SLC25A10: variants seen among roughly 807,000 people sequenced by gnomAD.
The protein encoded by SLC25A10 is mitochondrial dicarboxylate carrier.
Under a neutral mutation model 40.4 loss-of-function variants are expected in SLC25A10, and 32 were observed. That is an observed-to-expected ratio of 0.79 (90% CI 0.60 to 1.06). The LOEUF is 1.06. Among genes scored for constraint, SLC25A10 ranks in the 50% least tolerant of loss-of-function variants. The pLI is 0.00. For missense variants in SLC25A10, 394 were observed against 402.6 expected (o/e 0.98, Z 0.18); for synonymous variants, 181 against 171.1 (o/e 1.06, Z -0.45).
At chr17:81,717,730 G>C (rs761712683) in intron 8 of SLC25A10, 54 bp from the exon 9 acceptor site, 1 of 1,578,592 alleles carries the variant, frequency 6.3e-7, no homozygotes, top group Non-Finnish European at 8.6e-7. Flanking sequence ...GGTGGGATTC[G>C]GCGATGGTGC....
Position 81,712,530 on chromosome 17 carries a change from G to T in SLC25A10, c.93+11G>T. 1 of 1,238,822 alleles carries T rather than the reference G, an allele frequency of 8.1e-7. No homozygotes were observed. Among genetic ancestry groups the T allele is most frequent in the East Asian group, 3.2e-5 (1 of 31,110 alleles). The allele number at this position is 1,238,822 out of a possible 1,614,324, so 76.7% of individuals were successfully genotyped here. On this transcript the variant is annotated intron_variant, in intron 1 of 10. Transcript: ENST00000350690. Reference sequence around the variant, plus strand: ...CTGGACCTGCTCAAGGTGAGGCCGGGGCCCGGGACGCGGGGCGGATGGGAC... The same window carrying T: ...CTGGACCTGCTCAAGGTGAGGCCGGTGCCCGGGACGCGGGGCGGATGGGAC...
intron 9 of SLC25A10, 73 bp downstream of exon 9, chr17:81,717,934 A>G: frequency 8.5e-7 from 1 of 1,177,310 alleles, no homozygotes; most frequent in Non-Finnish European, 1.2e-6. Context: ...GGGGGTGGAC[A>G]CTCGCACTGG....
intron 10 of SLC25A10, 30 bp from the exon 11 acceptor site, chr17:81,719,946 G>A: frequency 6.2e-7 from 1 of 1,613,660 alleles, no homozygotes; most frequent in Non-Finnish European, 8.5e-7. Flanking sequence ...TTCGGGCTCT[G>A]TGTCTCTCAT....
chr17:81,714,854 C>T, intron 1 of SLC25A10, 99 bp from the exon 2 acceptor site: 1 of 1,516,266 alleles, frequency 6.6e-7, no homozygotes, highest in Non-Finnish European at 8.9e-7. Context: ...CCGTGGGAGG[C>T]CTTATCACTG....
intron 4 of SLC25A10, 54 bp downstream of exon 4, chr17:81,715,795 ATGCCAGGGCC>A (rs1468426283): frequency 1.2e-6 from 2 of 1,606,544 alleles, no homozygotes; most frequent in African/African-American, 1.3e-5. Flanking sequence ...GTCCCCAGAC[ATGCCAGGGCC>A]TGCCAGGGCT....
At chr17:81,712,617 G>A in intron 1 of SLC25A10, 98 bp downstream of exon 1, 1 of 860,898 alleles carries the variant, frequency 1.2e-6, no homozygotes, top group Non-Finnish European at 1.5e-6. Context: ...GGGGATCGCC[G>A]CGCCCGGGGC....
At chr17:81,714,915 G>C (rs759369666) in intron 1 of SLC25A10, 38 bp from the exon 2 acceptor site, 1 of 1,599,932 alleles carries the variant, frequency 6.3e-7, no homozygotes, top group East Asian at 2.2e-5. Flanking sequence ...CCGATCCCTC[G>C]GGGTCGCTGT....
chr17:81,712,320 CTTTGAACCGGG>C lies in SLC25A10; in HGVS notation c.-106_-96del. 1 of 762,970 alleles carries C rather than the reference CTTTGAACCGGG, an allele frequency of 1.3e-6. No individual in the cohort carries two copies. Among genetic ancestry groups the C allele is most frequent in the Non-Finnish European group, 1.7e-6 (1 of 584,856 alleles). 47.3% of individuals were successfully genotyped at this position (762,970 alleles called of 1,614,324 possible). ...GCGGGGTGCGGGCGCGCGGGCGGCG[CTTTGAACCGGG>C]CGCGGGGCGCGGGGCGCGGGGCGCT... On this transcript the variant is annotated 5_prime_UTR_variant, in exon 1 of 11. Transcript: ENST00000350690.
Position 81,715,538 on chromosome 17 carries a change from G to A in SLC25A10, c.274G>A (p.Gly92Ser), listed in dbSNP as rs1185147609. 3 of 1,612,956 alleles carry A rather than the reference G, an allele frequency of 1.9e-6. No homozygotes were observed. The highest frequency in any genetic ancestry group is 2.5e-6 in the Non-Finnish European group (3 of 1,179,872). Reference protein sequence around the residue: ...YETVRDRVAKGSQGPLPFHEK... With the variant: ...YETVRDRVAKSSQGPLPFHEK... ...GACTGTGCGGGACCGTGTGGCCAAG[G>A]GCAGCCAGGGGCCTCTCCCCTTCCA... The change falls in exon 3 of 11, where the codon GGC becomes AGC. Residue 92 changes from glycine (G) to serine (S), a missense_variant. Gly to Ser is a moderately conservative substitution (Grantham distance 56). Transcript: ENST00000350690.
rs547092945 is a variant in SLC25A10 at position 81,715,395 on chromosome 17, G to A, written c.214-83G>A. On this transcript the variant is annotated intron_variant, in intron 2 of 10. Coordinates refer to ENST00000350690, the MANE Select transcript of SLC25A10 (RefSeq NM_012140.5). ...GGGTCCCTGTGGCCCCTCGGGCTGA[G>A]GGGGATCCCTGGCTGGGCCGGGTGG... The A allele has an allele frequency of 3.2e-6, 4 of 1,253,594 alleles. No homozygotes were observed. The African/African-American group carries it at 5.9e-5, about 18-fold the overall frequency. 77.7% of individuals were successfully genotyped at this position (1,253,594 alleles called of 1,614,324 possible).
intron 1 of SLC25A10, among the ~76,000 whole-genome samples, chr17:81,714,723 G>A (rs2037446760): frequency 6.6e-6 from 1 of 152,248 alleles, no homozygotes; most frequent in African/African-American, 2.4e-5. Flanking sequence ...TACTCAGGTG[G>A]TACGCGGGGC....
Position 81,719,900 on chromosome 17 carries a change from C to T in SLC25A10, c.762+13C>T, listed in dbSNP as rs201334421. 84 of 1,613,516 alleles carry T rather than the reference C, an allele frequency of 5.2e-5. 1 individual carries two copies. Among genetic ancestry groups the T allele is most frequent in the East Asian group, 1.3e-4 (6 of 44,880 alleles). On this transcript the variant is annotated intron_variant, in intron 10 of 10. Coordinates refer to ENST00000350690, the MANE Select transcript of SLC25A10 (RefSeq NM_012140.5). ...GGCCTTTTACAAGGTGCAGTGGTGG[C>T]GGCAGTGGCGGCTTGGGCAATGGGG...
At position 81,720,771 on chromosome 17, in the gene SLC25A10, G is replaced by C. The variant is rs2037576830; in HGVS notation, c.*694G>C. The C allele has an allele frequency of 9.0e-6, 3 of 332,854 alleles. No individual in the cohort carries two copies. The highest frequency in any genetic ancestry group is 1.6e-5 in the Non-Finnish European group (3 of 183,692). The allele number at this position is 332,854 out of a possible 1,614,324, so 20.6% of individuals were successfully genotyped here. Reference sequence around the variant, plus strand: ...TTTGCCAAAGCCTCTCCACTCACCAGCAGGCGGTCTCTGTCTTCAGGGATT... The same window carrying C: ...TTTGCCAAAGCCTCTCCACTCACCACCAGGCGGTCTCTGTCTTCAGGGATT... On this transcript the variant is annotated 3_prime_UTR_variant, in exon 11 of 11. Transcript: ENST00000350690.
At chr17:81,714,871 G>C in intron 1 of SLC25A10, 82 bp from the exon 2 acceptor site, 1 of 1,562,176 alleles carries the variant, frequency 6.4e-7, no homozygotes, top group Non-Finnish European at 8.6e-7. Context: ...ACTGCCTCCT[G>C]CCTCAGTTTC....
rs1448874945 is a variant in SLC25A10, at chr17:81,715,580, G to T, written c.316G>T (p.Gly106Cys). Residue 106 changes from glycine (G) to cysteine (C), a missense_variant, in exon 3 of 11, where the codon GGC becomes TGC. By Grantham distance (159) the Gly-to-Cys change is radical. Transcript: ENST00000350690. ...PLPFHEKVLL[G>C]SVSGLAGGFV... Reference sequence around the variant, plus strand: ...CCCCTTCCACGAGAAGGTGTTGCTGGGCTCCGTCAGCGGTGAGCTGCCGGG... The same window carrying T: ...CCCCTTCCACGAGAAGGTGTTGCTGTGCTCCGTCAGCGGTGAGCTGCCGGG... The T allele has an allele frequency of 2.5e-6, 4 of 1,612,858 alleles. No individual in the cohort carries two copies. The highest frequency in any genetic ancestry group is 1.7e-6 in the Non-Finnish European group (2 of 1,179,814).
intron 1 of SLC25A10, among the ~76,000 whole-genome samples, chr17:81,714,733 C>T (rs539755354): frequency 5.4e-4 from 83 of 152,352 alleles, no homozygotes; most frequent in Admixed American, 1.2e-3. Context: ...GTACGCGGGG[C>T]GCTCGCGGGG....
rs998703738 is a variant in SLC25A10 at position 81,716,558 on chromosome 17, C to A, written c.420-254C>A. On this transcript the variant is annotated intron_variant, in intron 5 of 10. Transcript: ENST00000350690. ...ACCCCGGGGGCTGGCGGGCAGGAGG[C>A]CTGCATGCTAGGAGCGGTGCCCAGC... 26 of 581,678 alleles carry A rather than the reference C, an allele frequency of 4.5e-5. No individual in the cohort carries two copies. In the South Asian group the frequency reaches 4.6e-4, roughly 10 times the overall value. 36.0% of individuals were successfully genotyped at this position (581,678 alleles called of 1,614,324 possible). A position where few individuals can be genotyped will look rare whatever the true frequency, so the allele number is the denominator to read the frequency against.
Position 81,720,321 on chromosome 17 carries a change from G to A in SLC25A10, c.*244G>A. The stretch of plus-strand genomic sequence containing the variant: ...TCCCGGCTGGGCACTGCGTGGCCTT[G>A]CCCCTCTCCCGCTGGCAGCTCCTCA... On this transcript the variant is annotated 3_prime_UTR_variant, in exon 11 of 11. Coordinates refer to ENST00000350690, the MANE Select transcript of SLC25A10 (RefSeq NM_012140.5). 7.0e-7 allele frequency: 1 copy of A among 1,428,794 alleles called. No individual in the cohort carries two copies. The highest frequency in any genetic ancestry group is 2.5e-5 in the East Asian group (1 of 39,512). The allele number at this position is 1,428,794 out of a possible 1,614,324, so 88.5% of individuals were successfully genotyped here.
Position 81,719,819 on chromosome 17 carries a change from C to T in SLC25A10, c.706-12C>T, listed in dbSNP as rs199686853. The T allele has an allele frequency of 8.3e-4, 1,340 of 1,612,552 alleles. 1 individual carries two copies. The highest frequency in any genetic ancestry group is 1.1e-3 in the Non-Finnish European group (1,293 of 1,179,724). Reference sequence around the variant, plus strand: ...AGCAGCCTTTTTGATTGTTTCACTGCGTTTTCTGCAGGGCGTTTTCCACTG... The same window carrying T: ...AGCAGCCTTTTTGATTGTTTCACTGTGTTTTCTGCAGGGCGTTTTCCACTG... On this transcript the variant is annotated splice_polypyrimidine_tract_variant and intron_variant, in intron 9 of 10. Transcript: ENST00000350690.
Sources: gnomAD v4.1 joint callset for allele counts (sites outside exome capture counted in the v4.1 genomes callset) on GRCh38, gnomAD v4.1.1 for gene constraint, MANE v1.5 for transcripts, NCBI Gene and HGNC (gene_info 2026-07-23, HGNC 2026-07-21) for gene names.